The following AP3B1 variants were observed in gnomAD, a reference collection of about 807,000 sequenced individuals.
AP3B1 encodes the protein AP-3 complex subunit beta-1.
In AP3B1, 61 loss-of-function variants were observed where a neutral mutation model predicts 132.5. The ratio of observed to expected loss-of-function variants is 0.46; its 90% CI spans 0.37 to 0.57. AP3B1 has a LOEUF of 0.57. Ranked by LOEUF, AP3B1 falls within the 20% of genes least tolerant of loss-of-function variation. AP3B1 has a pLI of 0.00. For synonymous variants in AP3B1, 388 were observed against 438.3 expected, an observed-to-expected ratio of 0.89 and a Z score of 1.43; for missense variants, 1,120 against 1,289.4, an observed-to-expected ratio of 0.87 and a Z score of 2.01.
chr5:78,287,801 T>C (rs911756261), intron 1 of AP3B1, among the ~76,000 whole-genome samples: 1 of 142,182 alleles, frequency 7.0e-6, no homozygotes, highest in African/African-American at 2.6e-5. Flanking sequence ...AGCAAGCAAA[T>C]ATGTTAACAG....
chr5:78,218,813 GCCAAGATTTTC>G (rs1276240188), intron 6 of AP3B1, among the ~76,000 whole-genome samples: 1 of 152,078 alleles, frequency 6.6e-6, no homozygotes, highest in Non-Finnish European at 1.5e-5. Flanking sequence ...GGCCAATGCT[GCCAAGATTTTC>G]TTCCCTTAAA....
chr5:78,079,719 C>T (rs1749909540), intron 22 of AP3B1, among the ~76,000 whole-genome samples: 1 of 152,042 alleles, frequency 6.6e-6, no homozygotes, highest in South Asian at 2.1e-4. Flanking sequence ...ATAATTCAGG[C>T]AAAGAAGTAT....
At chr5:78,137,437 C>T (rs1430467225) in intron 15 of AP3B1, among the ~76,000 whole-genome samples, 2 of 152,130 alleles carry the variant, frequency 1.3e-5, no homozygotes, top group Non-Finnish European at 2.9e-5. Context: ...CTTAACTTTC[C>T]AATGTCTGTA....
At chr5:78,020,541 G>T in intron 25 of AP3B1, 151 bp downstream of exon 25, 2 of 652,762 alleles carry the variant, frequency 3.1e-6, no homozygotes, top group Admixed American at 4.8e-5. Context: ...TTTTAAGGTT[G>T]TAAGTGCAAA....
At chr5:78,092,614 T>C (rs1437085621) in intron 21 of AP3B1, among the ~76,000 whole-genome samples, 3 of 152,208 alleles carry the variant, frequency 2.0e-5, no homozygotes, top group Non-Finnish European at 4.4e-5. Flanking sequence ...ACCCTCATAT[T>C]AATACTGTGT....
intron 6 of AP3B1, among the ~76,000 whole-genome samples, chr5:78,221,388 A>G (rs1386691015): frequency 3.9e-5 from 6 of 152,218 alleles, no homozygotes; most frequent in Admixed American, 3.9e-4. Context: ...ACAACACGAC[A>G]CTTCAAAATG....
At chr5:78,058,610 G>A (rs1748915124) in intron 22 of AP3B1, among the ~76,000 whole-genome samples, 1 of 152,120 alleles carries the variant, frequency 6.6e-6, no homozygotes, top group Non-Finnish European at 1.5e-5. Context: ...GTACTAGGAA[G>A]ATATGACACT....
At chr5:78,237,869 A>G (rs957040251) in intron 3 of AP3B1, among the ~76,000 whole-genome samples, 1 of 152,246 alleles carries the variant, frequency 6.6e-6, no homozygotes, top group African/African-American at 2.4e-5. Flanking sequence ...CCAGTGATGC[A>G]TTGCTTAACA....
At chr5:78,063,837 G>A (rs1356488333) in intron 22 of AP3B1, among the ~76,000 whole-genome samples, 1 of 151,910 alleles carries the variant, frequency 6.6e-6, no homozygotes, top group East Asian at 1.9e-4. Flanking sequence ...AAATAAACAG[G>A]ATCTGCATAA....
At chr5:78,239,475 A>G (rs1747024878) in intron 3 of AP3B1, among the ~76,000 whole-genome samples, 2 of 149,390 alleles carry the variant, frequency 1.3e-5, no homozygotes, top group African/African-American at 4.9e-5. Context: ...TGTCTCAGAA[A>G]AAAAAAAAAA....
intron 2 of AP3B1, among the ~76,000 whole-genome samples, chr5:78,250,515 G>A (rs557869730): frequency 4.6e-5 from 7 of 152,140 alleles, no homozygotes; most frequent in Admixed American, 1.3e-4. Flanking sequence ...TTGATCTTAT[G>A]AATTTAGAGC....
intron 10 of AP3B1, 29 bp from the exon 11 acceptor site, chr5:78,175,726 C>T (rs374717713): frequency 3.0e-5 from 48 of 1,609,264 alleles, no homozygotes; most frequent in Non-Finnish European, 3.7e-5. Flanking sequence ...TACAAAAATA[C>T]ATTATGGTAC....
intron 7 of AP3B1, among the ~76,000 whole-genome samples, chr5:78,187,566 G>A (rs923301494): frequency 6.6e-6 from 1 of 152,056 alleles, no homozygotes; most frequent in African/African-American, 2.4e-5. Context: ...ACAAACCACT[G>A]CTCAAGGAAA....
intron 1 of AP3B1, among the ~76,000 whole-genome samples, chr5:78,279,907 A>AATATATATATATATATATATATAT (rs55881507): frequency 3.1e-4 from 35 of 114,356 alleles, no homozygotes; most frequent in African/African-American, 1.1e-3. Flanking sequence ...ATATGACTTA[A>AATATATATATATATATATATATAT]ATATATATAT....
chr5:78,088,372 C>T (rs1750354119), intron 22 of AP3B1, among the ~76,000 whole-genome samples: 1 of 152,164 alleles, frequency 6.6e-6, no homozygotes, highest in Non-Finnish European at 1.5e-5. Context: ...TTAAGGAGAA[C>T]ATTGTAGCTT....
At chr5:78,053,284 CA>C (rs771481560) in intron 22 of AP3B1, among the ~76,000 whole-genome samples, 1 of 152,192 alleles carries the variant, frequency 6.6e-6, no homozygotes, top group East Asian at 1.9e-4. Context: ...CAGCTTAATT[CA>C]AGTCTTCATT....
At chr5:78,175,605 G>A (rs1387894569) in intron 11 of AP3B1, 21 bp downstream of exon 11, 1 of 1,597,888 alleles carries the variant, frequency 6.3e-7, no homozygotes, top group East Asian at 2.2e-5. Flanking sequence ...AAAAGCCTCT[G>A]AAAAATGAAA....
chr5:78,075,606 C>T (rs1028641757), intron 22 of AP3B1, among the ~76,000 whole-genome samples: 1 of 152,178 alleles, frequency 6.6e-6, no homozygotes, highest in Non-Finnish European at 1.5e-5. Context: ...TGATAAGGAA[C>T]CTGATAGGAC....
At chr5:78,107,130 A>G (rs1474246020) in intron 20 of AP3B1, among the ~76,000 whole-genome samples, 1 of 152,226 alleles carries the variant, frequency 6.6e-6, no homozygotes, top group Non-Finnish European at 1.5e-5. Flanking sequence ...TGGGGTCAAC[A>G]TTCACACTTG....
Sources: gnomAD v4.1 joint callset for allele counts (sites outside exome capture counted in the v4.1 genomes callset) on GRCh38, gnomAD v4.1.1 for gene constraint, MANE v1.5 for transcripts, NCBI Gene and HGNC (gene_info 2026-07-23, HGNC 2026-07-21) for gene names.